Variants in C10orf71 observed in about 807,000 individuals in gnomAD.
C10orf71 encodes chromosome 10 open reading frame 71.
For missense variants in C10orf71, 1,869 were observed against 1,804.5 expected, an observed-to-expected ratio of 1.04 and a Z score of -0.65; for synonymous variants, 758 against 726.3, an observed-to-expected ratio of 1.04 and a Z score of -0.70.
chr10:49,304,067 C>A (rs1182847695), intron 1 of C10orf71, among the ~76,000 whole-genome samples: 2 of 152,214 alleles, frequency 1.3e-5, no homozygotes, highest in African/African-American at 4.8e-5. Context: ...GGCTTCCAGG[C>A]CAGGGAAGAT....
In C10orf71 at chr10:49,326,994, C is replaced by T; in HGVS notation, c.*141C>T. The T allele has an allele frequency of 6.3e-7, 1 of 1,589,024 alleles. No homozygotes were observed. The highest frequency in any genetic ancestry group is 8.6e-7 in the Non-Finnish European group (1 of 1,169,028). On this transcript the variant is annotated 3_prime_UTR_variant, in exon 3 of 3. Transcript: ENST00000374144. ...CAACACATACTTAGCCTTTTTAGAT[C>T]CATAAAGTCCAGAAGGCAGTAGGGA...
chr10:49,313,269 T>C (rs1848946528), intron 1 of C10orf71, among the ~76,000 whole-genome samples: 1 of 151,888 alleles, frequency 6.6e-6, no homozygotes, highest in Admixed American at 6.6e-5. Flanking sequence ...AACCCAGTAA[T>C]GATGAAAGGA....
chr10:49,325,791 CCCTGGAGGA>C lies in C10orf71; in HGVS notation c.3249_3257del (p.Gly1084_Pro1086del), dbSNP rs1319050943. ...ACATTTGGGAGGAGTCTTCCCAGGC[CCCTGGAGGA>C]CCAGAGCTGCTTCCCGAGGAGCCTA... On this transcript the variant is annotated inframe_deletion, in exon 3 of 3. Coordinates refer to ENST00000374144, the MANE Select transcript of C10orf71 (RefSeq NM_001135196.2). 8 of 1,551,398 alleles carry C rather than the reference CCCTGGAGGA, an allele frequency of 5.2e-6. No homozygotes were observed. The highest frequency in any genetic ancestry group is 7.0e-6 in the Non-Finnish European group (8 of 1,146,938).
Position 49,324,228 on chromosome 10 carries a change from C to A in C10orf71, c.1683C>A (p.Pro561=). 1 of 1,613,898 alleles carries A rather than the reference C, an allele frequency of 6.2e-7. No individual in the cohort carries two copies. Among genetic ancestry groups the A allele is most frequent in the Non-Finnish European group, 8.5e-7 (1 of 1,179,864 alleles). The change falls in exon 3 of 3, where the codon CCC becomes CCA. Residue 561 remains proline, a synonymous_variant. Coordinates refer to ENST00000374144, the MANE Select transcript of C10orf71 (RefSeq NM_001135196.2). ...CAAATGAGCTTTCTAAGGAGAGACC[C>A]GCTGATGACCCCACTGCATCACACA... ...SPPNELSKER[P]ADDPTASHIN...
rs781404544 is a variant in C10orf71 at position 49,324,105 on chromosome 10, G to C, written c.1560G>C (p.Leu520Phe). 6.2e-7 allele frequency: 1 copy of C among 1,613,998 alleles called. No individual in the cohort carries two copies. The highest frequency in any genetic ancestry group is 1.7e-5 in the Admixed American group (1 of 60,022). ...GCACATACAGTTCCTCACCTCTCTT[G>C]AAAGTGCTTGATGAGAAAACTAGAG... Reference protein sequence around the residue: ...VKSTYSSSPLLKVLDEKTRGK... With the variant: ...VKSTYSSSPLFKVLDEKTRGK... The change falls in exon 3 of 3, where the codon TTG becomes TTC. Residue 520 changes from leucine (L) to phenylalanine (F), a missense_variant. By Grantham distance (22) the Leu-to-Phe change is conservative. Coordinates refer to ENST00000374144, the MANE Select transcript of C10orf71 (RefSeq NM_001135196.2).
At chr10:49,306,822 A>AG (rs1480861323) in intron 1 of C10orf71, among the ~76,000 whole-genome samples, 1 of 152,196 alleles carries the variant, frequency 6.6e-6, no homozygotes, top group Admixed American at 6.5e-5. Flanking sequence ...CCCAGATCCC[A>AG]GGGGGACCCA....
chr10:49,325,136 C>A lies in C10orf71; in HGVS notation c.2591C>A (p.Ala864Asp). 1 of 1,552,134 alleles carries A rather than the reference C, an allele frequency of 6.4e-7. No homozygotes were observed. The highest frequency in any genetic ancestry group is 1.2e-5 in the South Asian group (1 of 84,064). ...ACGATTAAAGACAACACCCTCAGAGCTACCCCCGTAATTAAACCTATCATG... is the reference window on the plus strand; with the variant it reads ...ACGATTAAAGACAACACCCTCAGAGATACCCCCGTAATTAAACCTATCATG... Reference protein sequence around the residue: ...LFTIKDNTLRATPVIKPIMLP... With the variant: ...LFTIKDNTLRDTPVIKPIMLP... The change falls in exon 3 of 3, where the codon GCT (alanine) becomes GAT (aspartate). Residue 864 changes from alanine to aspartate, a missense_variant. By Grantham distance (126) the Ala-to-Asp change is moderately radical. Transcript: ENST00000374144.
intron 1 of C10orf71, among the ~76,000 whole-genome samples, chr10:49,314,337 C>T (rs772094335): frequency 1.2e-4 from 19 of 152,160 alleles, no homozygotes; most frequent in Non-Finnish European, 2.6e-4. Context: ...GACCAGGTTC[C>T]AAGATCTTGT....
intron 2 of C10orf71, among the ~76,000 whole-genome samples, chr10:49,321,182 T>A (rs936020824): frequency 1.3e-5 from 2 of 152,184 alleles, no homozygotes; most frequent in Admixed American, 6.5e-5. Context: ...TCATCCTGCA[T>A]AACTGAAACG....
At chr10:49,314,721 G>T (rs1160173710) in intron 1 of C10orf71, among the ~76,000 whole-genome samples, 1 of 152,162 alleles carries the variant, frequency 6.6e-6, no homozygotes, top group Non-Finnish European at 1.5e-5. Flanking sequence ...GGGCAGGGGA[G>T]TGGCCTTATT....
rs766709943 is a variant in C10orf71 at position 49,323,325 on chromosome 10, T to C, written c.780T>C (p.Gly260=). The part of the protein sequence containing the change: ...FPSPHHKPVT[G]EPGRGKGTFL... ...CTCCACACCACAAGCCAGTCACGGG[T>C]GAGCCTGGGAGAGGCAAAGGTACCT... is the stretch of plus-strand genomic sequence containing the variant. Residue 260 remains glycine, a synonymous_variant, in exon 3 of 3, where the codon GGT becomes GGC. Coordinates refer to ENST00000374144, the MANE Select transcript of C10orf71 (RefSeq NM_001135196.2). 3.7e-6 allele frequency: 6 copies of C among 1,613,654 alleles called. No homozygotes were observed. The highest frequency in any genetic ancestry group is 5.1e-6 in the Non-Finnish European group (6 of 1,179,784).
chr10:49,309,370 C>G (rs974431035), intron 1 of C10orf71, among the ~76,000 whole-genome samples: 1 of 152,190 alleles, frequency 6.6e-6, no homozygotes, highest in African/African-American at 2.4e-5. Context: ...CACTCACTCT[C>G]TCTCTCTCTG....
In C10orf71 at chr10:49,324,815, G is replaced by A. The variant is rs933830237; in HGVS notation, c.2270G>A (p.Arg757Lys). 1.3e-6 allele frequency: 2 copies of A among 1,552,078 alleles called. No individual in the cohort carries two copies. The highest frequency in any genetic ancestry group is 2.0e-5 in the Admixed American group (1 of 51,020). The change falls in exon 3 of 3, where the codon AGG (arginine) becomes AAG (lysine). Residue 757 changes from arginine to lysine, a missense_variant. By Grantham distance (26) the Arg-to-Lys change is conservative. Transcript: ENST00000374144. ...ACTGAGAACCAGCGGGAAGACAGGA[G>A]GAAGGATGTGAGTGCAGGTGACAGT... ...WFTENQREDRRKDVSAGDSQK... is the reference protein window; with the variant it reads ...WFTENQREDRKKDVSAGDSQK...
chr10:49,298,698 T>C (rs1236615047), upstream of C10orf71: 4 of 152,264 alleles, frequency 2.6e-5, no homozygotes, highest in African/African-American at 9.6e-5. Context: ...ACCTTGCCTC[T>C]TCCCCGATTA....
rs376597319 is a variant in C10orf71 at position 49,322,938 on chromosome 10, C to T, written c.393C>T (p.Ser131=). The T allele has an allele frequency of 5.1e-4, 828 of 1,613,916 alleles. 13 individuals carry two copies. The South Asian group carries it at 8.1e-3, about 16-fold the overall frequency. ...PVQRRLEVPV[S]GLRSSNKPVS... is the part of the protein sequence containing the mutation. ...AGAGGAGACTGGAGGTGCCAGTTTC[C>T]GGCCTAAGGAGCAGCAATAAGCCTG... Residue 131 remains serine (S), a synonymous_variant, in exon 3 of 3, where the codon TCC becomes TCT. Transcript: ENST00000374144.
At chr10:49,306,710 A>G (rs764236625) in intron 1 of C10orf71, among the ~76,000 whole-genome samples, 4 of 152,230 alleles carry the variant, frequency 2.6e-5, no homozygotes, top group Non-Finnish European at 5.9e-5. Flanking sequence ...CATGGGGTCC[A>G]CTTACTTGCA....
chr10:49,302,507 A>G (rs1848745651), intron 1 of C10orf71, among the ~76,000 whole-genome samples: 1 of 152,242 alleles, frequency 6.6e-6, no homozygotes, highest in Admixed American at 6.5e-5. Context: ...GTTTTGGAGT[A>G]TCTGGTCTCA....
rs751283820 is a variant in C10orf71, at chr10:49,323,794, C to G, written c.1249C>G (p.Pro417Ala). The G allele has an allele frequency of 6.2e-7, 1 of 1,613,930 alleles. No homozygotes were observed. Among genetic ancestry groups the G allele is most frequent in the East Asian group, 2.2e-5 (1 of 44,876 alleles). The change falls in exon 3 of 3, where the codon CCC becomes GCC. Residue 417 changes from proline (P) to alanine (A), a missense_variant. Physicochemically the swap from Pro to Ala is conservative, Grantham distance 27. Coordinates refer to ENST00000374144, the MANE Select transcript of C10orf71 (RefSeq NM_001135196.2). Reference sequence around the variant, plus strand: ...CCCACCTTTGTATACAAAACACAACCCCCAGGAACAGTTTTCAGAAAACAA... The same window carrying G: ...CCCACCTTTGTATACAAAACACAACGCCCAGGAACAGTTTTCAGAAAACAA... ...RGPPLYTKHN[P>A]QEQFSENNAL...
In C10orf71 at chr10:49,325,021, T is replaced by C. The variant is rs76288572; in HGVS notation, c.2476T>C (p.Trp826Arg). 6.4e-7 allele frequency: 1 copy of C among 1,551,720 alleles called. No individual in the cohort carries two copies. The highest frequency in any genetic ancestry group is 8.7e-7 in the Non-Finnish European group (1 of 1,147,000). Residue 826 changes from tryptophan (W) to arginine (R), a missense_variant, in exon 3 of 3, where the codon TGG (tryptophan) becomes CGG (arginine). Physicochemically the swap from Trp to Arg is moderately radical, Grantham distance 101 (BLOSUM62 -3). Transcript: ENST00000374144. The stretch of plus-strand genomic sequence containing the variant: ...AGAGGAAGCTAATTTCAGAGGCTCT[T>C]GGATTGGGGAAAATAAGGGCACAAC... ...SAEEANFRGSWIGENKGTTFS... is the reference protein window; with the variant it reads ...SAEEANFRGSRIGENKGTTFS...
Sources: allele counts gnomAD v4.1 joint callset (sites outside exome capture counted in the v4.1 genomes callset), GRCh38; gene constraint gnomAD v4.1.1; transcripts MANE v1.5; gene names NCBI Gene and HGNC (gene_info 2026-07-23, HGNC 2026-07-21).